Variants in PLA2G4D observed in about 807,000 individuals in gnomAD.
PLA2G4D encodes the protein phospholipase A2 group IVD.
PLA2G4D carries 80 observed loss-of-function variants against 94.4 expected under a neutral mutation model. The observed-to-expected ratio is 0.85, with a 90% CI of 0.71 to 1.02. PLA2G4D has a LOEUF of 1.02. PLA2G4D is among the 50% of genes least tolerant of loss of function. The probability of loss-of-function intolerance (pLI) is 0.00; values close to 1 mark genes in which losing one functional copy is unlikely to be tolerated. For synonymous variants in PLA2G4D, 438 were observed against 440.9 expected (o/e 0.99, Z 0.08); for missense variants, 1,050 against 1,034.7 (o/e 1.01, Z -0.20).
In PLA2G4D at chr15:42,068,742, C is replaced by A; in HGVS notation, c.2430G>T (p.Glu810Asp). 6.2e-7 allele frequency: 1 copy of A among 1,610,214 alleles called. No individual in the cohort carries two copies. The highest frequency in any genetic ancestry group is 8.5e-7 in the Non-Finnish European group (1 of 1,178,168). Residue 810 changes from glutamate to aspartate, a missense_variant, in exon 20 of 20, where the codon GAG becomes GAT. Transcript: ENST00000290472. ...AGGTCTGTGCCCTTGGAGGCCTCGC[C>A]TCTAGAGTCCGGTGCTTCAGCGCGG... ...LRTALKHRTLEARPPRAQT is the reference protein window; with the variant it reads ...LRTALKHRTLDARPPRAQT
At chr15:42,070,427 G>A (rs1315991996) in intron 18 of PLA2G4D, 6 of 521,858 alleles carry the variant, frequency 1.1e-5, no homozygotes, top group Non-Finnish European at 1.0e-5. Context: ...GGGGAGGTCT[G>A]GGGGATGGAC....
chr15:42,080,254 C>T (rs1447437314), intron 12 of PLA2G4D, among the ~76,000 whole-genome samples: 1 of 152,084 alleles, frequency 6.6e-6, no homozygotes, highest in Non-Finnish European at 1.5e-5. Flanking sequence ...CCCATCTTCA[C>T]GGTCCTGTCC....
chr15:42,078,488 T>G (rs1889970728), intron 13 of PLA2G4D, among the ~76,000 whole-genome samples: 2 of 152,198 alleles, frequency 1.3e-5, no homozygotes, highest in Admixed American at 1.3e-4. Flanking sequence ...TAATAAAGAT[T>G]GAGATTTGCA....
intron 13 of PLA2G4D, among the ~76,000 whole-genome samples, 163 bp from the exon 14 acceptor site, chr15:42,072,555 T>A (rs1486146818): frequency 6.6e-6 from 1 of 152,174 alleles, no homozygotes; most frequent in East Asian, 1.9e-4. Flanking sequence ...CTCCTGCCCC[T>A]GTGTTCTGAA....
At chr15:42,072,890 T>TC (rs996660448) in intron 13 of PLA2G4D, among the ~76,000 whole-genome samples, 6 of 152,182 alleles carry the variant, frequency 3.9e-5, no homozygotes, top group Non-Finnish European at 8.8e-5. Flanking sequence ...CATCCTTGCC[T>TC]CCCCCTCATC....
At chr15:42,072,915 T>C (rs1212653196) in intron 13 of PLA2G4D, among the ~76,000 whole-genome samples, 1 of 152,220 alleles carries the variant, frequency 6.6e-6, no homozygotes, top group East Asian at 1.9e-4. Flanking sequence ...CTCTTCTTTC[T>C]TGCTTTGCAT....
intron 13 of PLA2G4D, among the ~76,000 whole-genome samples, chr15:42,077,225 A>G (rs1889947998): frequency 6.6e-6 from 1 of 152,230 alleles, no homozygotes. Context: ...TTCCAAAGTC[A>G]TTATCCAAGG....
Position 42,069,897 on chromosome 15 carries a change from G to A in PLA2G4D, c.2230+12C>T, listed in dbSNP as rs1474818469. ...GCCAGGCAGCCTGGGTGCTTGGGAG[G>A]GGCTGCCTCACCGGGGGCTGAGTGG... On this transcript the variant is annotated intron_variant, in intron 19 of 19. Coordinates refer to ENST00000290472, the MANE Select transcript of PLA2G4D (RefSeq NM_178034.4). 2.1e-6 allele frequency: 3 copies of A among 1,403,010 alleles called. No individual in the cohort carries two copies. The African/African-American group carries it at 4.6e-5, about 21-fold the overall frequency. 86.9% of individuals were successfully genotyped at this position (1,403,010 alleles called of 1,614,324 possible).
chr15:42,083,492 CCA>C (rs2141100112), intron 7 of PLA2G4D, among the ~76,000 whole-genome samples, 158 bp from the exon 8 acceptor site: 1 of 152,256 alleles, frequency 6.6e-6, no homozygotes, highest in South Asian at 2.1e-4. Flanking sequence ...CCAAGGGGCC[CCA>C]CAACCCCCCA....
intron 1 of PLA2G4D, among the ~76,000 whole-genome samples, chr15:42,089,766 C>T (rs1350895698): frequency 6.6e-6 from 1 of 152,192 alleles, no homozygotes; most frequent in African/African-American, 2.4e-5. Context: ...CCCTGCTCCC[C>T]CGGCCAGGCT....
chr15:42,068,723 G>T lies in PLA2G4D; in HGVS notation c.2449C>A (p.Gln817Lys). 6.2e-7 allele frequency: 1 copy of T among 1,605,090 alleles called. No homozygotes were observed. The change falls in exon 20 of 20, where the codon CAG becomes AAG. Residue 817 changes from glutamine (Q) to lysine (K), a missense_variant. Coordinates refer to ENST00000290472, the MANE Select transcript of PLA2G4D (RefSeq NM_178034.4). ...GCAGCCTCTGAGCAACCTCAGGTCT[G>T]TGCCCTTGGAGGCCTCGCCTCTAGA... ...RTLEARPPRAQT is the reference protein window; with the variant it reads ...RTLEARPPRAKT
At chr15:42,070,179 G>A in intron 18 of PLA2G4D, 84 bp from the exon 19 acceptor site, 2 of 1,278,778 alleles carry the variant, frequency 1.6e-6, no homozygotes, top group South Asian at 1.6e-5. Context: ...AGCTGCTTCA[G>A]TGTCAAGACA....
Position 42,070,039 on chromosome 15 carries a change from C to G in PLA2G4D, c.2100G>C (p.Val700=), listed in dbSNP as rs551241957. Residue 700 remains valine (V), a synonymous_variant, in exon 19 of 20, where the codon GTG becomes GTC. Coordinates refer to ENST00000290472, the MANE Select transcript of PLA2G4D (RefSeq NM_178034.4). ...CRARGLPFPR[V]EPSPQDQHQP... ...GGTGCTGGTCCTGAGGGCTGGGTTC[C>G]ACCCGGGGGAAGGGCAGCCCCCGGG... 34 of 1,519,846 alleles carry G rather than the reference C, an allele frequency of 2.2e-5. No individual in the cohort carries two copies. The African/African-American group carries it at 4.4e-4, about 20-fold the overall frequency. The allele number at this position is 1,519,846 out of a possible 1,614,324, so 94.1% of individuals were successfully genotyped here.
chr15:42,083,729 G>C lies in PLA2G4D; in HGVS notation c.522C>G (p.Thr174=). ...LDVHLDSTGS[T]AVVADQDKLE... is the part of the protein sequence containing the mutation. ...AGCTGGTCTCACCTGCAACCACAGC[G>C]GTGCTCCCTGTGCTGTCCAGATGCA... Residue 174 remains threonine, a synonymous_variant, in exon 7 of 20, where the codon ACC becomes ACG. Transcript: ENST00000290472. 1 of 1,614,018 alleles carries C rather than the reference G, an allele frequency of 6.2e-7. No individual in the cohort carries two copies. Among genetic ancestry groups the C allele is most frequent in the Non-Finnish European group, 8.5e-7 (1 of 1,179,998 alleles).
chr15:42,085,470 G>A, intron 5 of PLA2G4D, 21 bp downstream of exon 5: 1 of 1,613,562 alleles, frequency 6.2e-7, no homozygotes, highest in Admixed American at 1.7e-5. Context: ...GACACTCCCT[G>A]GGCTGTGTGA....
Position 42,068,669 on chromosome 15 carries a change from G to A in PLA2G4D, c.*46C>T, listed in dbSNP as rs1889731429. 3 of 1,535,964 alleles carry A rather than the reference G, an allele frequency of 2.0e-6. No individual in the cohort carries two copies. The highest frequency in any genetic ancestry group is 2.6e-6 in the Non-Finnish European group (3 of 1,132,254). On this transcript the variant is annotated 3_prime_UTR_variant, in exon 20 of 20. Transcript: ENST00000290472. ...TGTGGCTGAGCCCAGCTACAGATCAGGTTATGCCCGCAGGCCCTGGAGGGT... is the reference window on the plus strand; with the variant it reads ...TGTGGCTGAGCCCAGCTACAGATCAAGTTATGCCCGCAGGCCCTGGAGGGT...
chr15:42,092,544 G>A (rs1034744839), intron 1 of PLA2G4D, among the ~76,000 whole-genome samples: 8 of 152,156 alleles, frequency 5.3e-5, no homozygotes, highest in Admixed American at 1.3e-4. Context: ...GCATAGGGGC[G>A]TCACATTCCC....
At position 42,079,600 on chromosome 15, in the gene PLA2G4D, C is replaced by T; in HGVS notation, c.1254G>A (p.Gln418=). 6.2e-7 allele frequency: 1 copy of T among 1,610,414 alleles called. No individual in the cohort carries two copies. The highest frequency in any genetic ancestry group is 2.2e-5 in the East Asian group (1 of 44,752). The change falls in exon 13 of 20, where the codon CAG becomes CAA. Residue 418 remains glutamine (Q), a synonymous_variant. Coordinates refer to ENST00000290472, the MANE Select transcript of PLA2G4D (RefSeq NM_178034.4). Reference sequence around the variant, plus strand: ...GGTCCACAAAGGTCGTGGGGTGGCCCTGCTCAGCCCGCAGCTCCAGCTCCC... The same window carrying T: ...GGTCCACAAAGGTCGTGGGGTGGCCTTGCTCAGCCCGCAGCTCCAGCTCCC... ...YRRELELRAE[Q]GHPTTFVDLW...
At position 42,068,702 on chromosome 15, in the gene PLA2G4D, C is replaced by T. The variant is rs752007123; in HGVS notation, c.*13G>A. 1 of 1,593,778 alleles carries T rather than the reference C, an allele frequency of 6.3e-7. No homozygotes were observed. The highest frequency in any genetic ancestry group is 8.5e-7 in the Non-Finnish European group (1 of 1,169,858). On this transcript the variant is annotated 3_prime_UTR_variant, in exon 20 of 20. Transcript: ENST00000290472. ...CCGCAGGCCCTGGAGGGTCCTGCAG[C>T]CTCTGAGCAACCTCAGGTCTGTGCC...
Sources: allele counts gnomAD v4.1 joint callset (sites outside exome capture counted in the v4.1 genomes callset), GRCh38; gene constraint gnomAD v4.1.1; transcripts MANE v1.5; gene names NCBI Gene and HGNC (gene_info 2026-07-23, HGNC 2026-07-21).